The following OIT3 variants were observed in gnomAD, a reference collection of about 807,000 sequenced individuals.
The protein encoded by OIT3 is oncoprotein induced transcript 3.
Under a neutral mutation model 52.2 loss-of-function variants are expected in OIT3, and 41 were observed. The observed-to-expected ratio is 0.79, with a 90% CI of 0.61 to 1.02. The LOEUF (loss-of-function observed/expected upper bound fraction) is 1.02. Among genes scored for constraint, OIT3 ranks in the 50% least tolerant of loss-of-function variants. The pLI is 0.00. For synonymous variants in OIT3, 244 were observed against 276.9 expected, an observed-to-expected ratio of 0.88 and a Z score of 1.18; for missense variants, 634 against 715.5, an observed-to-expected ratio of 0.89 and a Z score of 1.30.
chr10:72,900,361 C>T lies in OIT3; in HGVS notation c.437-16C>T, dbSNP rs1285116871. 10 of 1,434,218 alleles carry T rather than the reference C, an allele frequency of 7.0e-6. No individual in the cohort carries two copies. The highest frequency in any genetic ancestry group is 1.4e-5 in the African/African-American group (1 of 70,624). The allele number at this position is 1,434,218 out of a possible 1,614,324, so 88.8% of individuals were successfully genotyped here. Reference sequence around the variant, plus strand: ...GGTCTCCTGCCCTCATGAAGATAATCTTTATTCTTCCATAGATTTTTATGA... The same window carrying T: ...GGTCTCCTGCCCTCATGAAGATAATTTTTATTCTTCCATAGATTTTTATGA... On this transcript the variant is annotated splice_polypyrimidine_tract_variant and intron_variant, in intron 2 of 8. Coordinates refer to ENST00000334011, the MANE Select transcript of OIT3 (RefSeq NM_152635.3).
chr10:72,919,278 G>A (rs971398978), intron 6 of OIT3, among the ~76,000 whole-genome samples: 5 of 151,984 alleles, frequency 3.3e-5, no homozygotes, highest in Admixed American at 2.6e-4. Context: ...TAAGAATGCC[G>A]GCATTTTTGC....
chr10:72,930,559 A>G lies in OIT3; in HGVS notation c.1389A>G (p.Val463=), dbSNP rs144867890. The G allele has an allele frequency of 1.5e-5, 24 of 1,613,338 alleles. No homozygotes were observed. Among genetic ancestry groups the G allele is most frequent in the African/African-American group, 1.5e-4 (11 of 74,892 alleles). The change falls in exon 8 of 9, where the codon GTA becomes GTG. Residue 463 remains valine, a synonymous_variant. Coordinates refer to ENST00000334011, the MANE Select transcript of OIT3 (RefSeq NM_152635.3). The part of the protein sequence containing the change: ...IRDGCVSDDS[V]KQYTSRDHLA... ...TCAGCTGTGTTTCAGATGACTCGGT[A>G]AAGCAGTACACATCCCGGGATCACC...
rs1310720201 is a variant in OIT3, at chr10:72,899,007, G to A, written c.405G>A (p.Lys135=). The A allele has an allele frequency of 3.7e-6, 6 of 1,611,912 alleles. No individual in the cohort carries two copies. Among genetic ancestry groups the A allele is most frequent in the Non-Finnish European group, 5.1e-6 (6 of 1,178,388 alleles). Reference sequence around the variant, plus strand: ...GCTACTATGTGTATCGTCTGACCAAGCCCAGCGTCTGCTTCCACGTCTACT... The same window carrying A: ...GCTACTATGTGTATCGTCTGACCAAACCCAGCGTCTGCTTCCACGTCTACT... ...PGGYYVYRLT[K]PSVCFHVYCG... is the part of the protein sequence containing the mutation. The change falls in exon 2 of 9, where the codon AAG becomes AAA. Residue 135 remains lysine (K), a synonymous_variant. Transcript: ENST00000334011.
chr10:72,906,533 G>T, intron 3 of OIT3, 63 bp from the exon 4 acceptor site: 1 of 1,592,046 alleles, frequency 6.3e-7, no homozygotes, highest in Non-Finnish European at 8.6e-7. Flanking sequence ...AATTCTGCCC[G>T]GGGGGTTGGG....
intron 2 of OIT3, 106 bp from the exon 3 acceptor site, chr10:72,900,271 A>C: frequency 2.4e-5 from 16 of 653,506 alleles, no homozygotes; most frequent in Non-Finnish European, 3.3e-5. Flanking sequence ...AGCCTGGGCA[A>C]CATAGGGATA....
At chr10:72,926,438 G>A (rs1443607258) in intron 7 of OIT3, among the ~76,000 whole-genome samples, 1 of 152,172 alleles carries the variant, frequency 6.6e-6, no homozygotes, top group East Asian at 1.9e-4. Context: ...CAGCAAAGCA[G>A]CCTCTTAACA....
intron 6 of OIT3, among the ~76,000 whole-genome samples, chr10:72,918,808 T>C (rs953280406): frequency 5.3e-5 from 8 of 152,182 alleles, no homozygotes; most frequent in African/African-American, 1.9e-4. Context: ...TATTTCTGGG[T>C]TCTCTTTTCT....
chr10:72,927,901 A>C (rs750683662), intron 7 of OIT3, among the ~76,000 whole-genome samples: 7 of 152,048 alleles, frequency 4.6e-5, no homozygotes, highest in Non-Finnish European at 1.0e-4. Flanking sequence ...TCTCCATTTG[A>C]ACTAAAAAAT....
At position 72,932,772 on chromosome 10, in the gene OIT3, A is replaced by T. The variant is rs1846230402; in HGVS notation, c.*248A>T. The T allele has an allele frequency of 5.0e-6, 2 of 402,228 alleles. No homozygotes were observed. The highest frequency in any genetic ancestry group is 8.2e-5 in the Admixed American group (2 of 24,318). The allele number at this position is 402,228 out of a possible 1,614,324, so 24.9% of individuals were successfully genotyped here. ...AAAACTAAACTGTCCACCCAGAAAG[A>T]CACTCACCCCATTTCCCTCATTTCT... On this transcript the variant is annotated 3_prime_UTR_variant, in exon 9 of 9. Transcript: ENST00000334011.
chr10:72,895,163 A>G (rs940669461), intron 1 of OIT3, among the ~76,000 whole-genome samples: 1 of 152,150 alleles, frequency 6.6e-6, no homozygotes, highest in African/African-American at 2.4e-5. Context: ...CTATCATCTC[A>G]ATTATGCTGT....
intron 1 of OIT3, among the ~76,000 whole-genome samples, chr10:72,898,021 G>A (rs999481361): frequency 1.3e-5 from 2 of 151,728 alleles, no homozygotes. Flanking sequence ...CCAGATTCAT[G>A]CCTGTAATCC....
chr10:72,913,496 G>T lies in OIT3; in HGVS notation c.951+28G>T, dbSNP rs764623359. 2.5e-6 allele frequency: 4 copies of T among 1,582,138 alleles called. No individual in the cohort carries two copies. The South Asian group carries it at 4.5e-5, about 18-fold the overall frequency. The stretch of plus-strand genomic sequence containing the variant: ...AGGTTCCTCCTGGAGGGCACTTGGG[G>T]AATGACCAAAAGCCGGTTATTTGGG... On this transcript the variant is annotated intron_variant, in intron 6 of 8. Coordinates refer to ENST00000334011, the MANE Select transcript of OIT3 (RefSeq NM_152635.3).
chr10:72,907,526 C>T (rs1282368741), intron 4 of OIT3, among the ~76,000 whole-genome samples: 4 of 152,170 alleles, frequency 2.6e-5, no homozygotes, highest in Non-Finnish European at 4.4e-5. Flanking sequence ...TGCTGAGAAG[C>T]ACCTGGGGCT....
At chr10:72,908,692 T>C (rs911163107) in intron 4 of OIT3, among the ~76,000 whole-genome samples, 3 of 152,122 alleles carry the variant, frequency 2.0e-5, no homozygotes, top group African/African-American at 7.2e-5. Context: ...AAAACATTTG[T>C]AATTATTTAT....
chr10:72,909,547 T>C (rs749620831), intron 4 of OIT3, among the ~76,000 whole-genome samples: 2 of 152,078 alleles, frequency 1.3e-5, no homozygotes, highest in Non-Finnish European at 2.9e-5. Context: ...TCAGCTCTTG[T>C]TAGTTTTTAA....
chr10:72,915,836 G>A (rs1434068226), intron 6 of OIT3, among the ~76,000 whole-genome samples: 1 of 152,180 alleles, frequency 6.6e-6, no homozygotes, highest in Non-Finnish European at 1.5e-5. Flanking sequence ...CCTCAGCTGG[G>A]AATGTGCCAC....
chr10:72,903,752 T>C (rs763538859), intron 3 of OIT3, among the ~76,000 whole-genome samples: 27 of 152,208 alleles, frequency 1.8e-4, no homozygotes, highest in Non-Finnish European at 2.4e-4. Flanking sequence ...CCTTACCCAA[T>C]GTGTGAGATT....
chr10:72,932,676 C>T lies in OIT3; in HGVS notation c.*152C>T, dbSNP rs2132954134. ...GCACCAACTCACTCTGATTCTGGTC[C>T]ATTCAGTGGGCACAGGTCACAGCAC... is the stretch of plus-strand genomic sequence containing the variant. On this transcript the variant is annotated 3_prime_UTR_variant, in exon 9 of 9. Coordinates refer to ENST00000334011, the MANE Select transcript of OIT3 (RefSeq NM_152635.3). 5 of 659,526 alleles carry T rather than the reference C, an allele frequency of 7.6e-6. No individual in the cohort carries two copies. Among genetic ancestry groups the T allele is most frequent in the East Asian group, 2.8e-5 (1 of 35,158 alleles). The allele number at this position is 659,526 out of a possible 1,614,324, so 40.9% of individuals were successfully genotyped here.
chr10:72,907,290 A>C (rs190250363), intron 4 of OIT3, among the ~76,000 whole-genome samples: 8 of 152,088 alleles, frequency 5.3e-5, no homozygotes, highest in Admixed American at 4.6e-4. Flanking sequence ...AGGAGGGTGG[A>C]TATTTGGTAT....
Sources: allele counts gnomAD v4.1 joint callset (sites outside exome capture counted in the v4.1 genomes callset), GRCh38; gene constraint gnomAD v4.1.1; transcripts MANE v1.5; gene names NCBI Gene and HGNC (gene_info 2026-07-23, HGNC 2026-07-21).